Variants in DOK7 observed in about 807,000 individuals in gnomAD.
DOK7 encodes protein Dok-7.
Under a neutral mutation model 30.7 loss-of-function variants are expected in DOK7, and 32 were observed. That is an observed-to-expected ratio of 1.04 (90% confidence interval 0.79 to 1.40). DOK7 has a LOEUF of 1.40. Ranked by LOEUF, DOK7 falls within the 40% of genes most tolerant of loss-of-function variation. DOK7 has a pLI of 0.00. For missense variants in DOK7, 1,007 were observed against 699.2 expected (o/e 1.44, Z -4.97); for synonymous variants, 447 against 324.1 (o/e 1.38, Z -4.07).
chr4:3,478,925 G>C (rs542422657), intron 4 of DOK7, among the ~76,000 whole-genome samples: 1 of 152,202 alleles, frequency 6.6e-6, no homozygotes, highest in Non-Finnish European at 1.5e-5. Context: ...GGGAGTCTGC[G>C]GCACGTGTGG....
chr4:3,475,793 G>C (rs1263631801), intron 3 of DOK7, among the ~76,000 whole-genome samples: 2 of 152,124 alleles, frequency 1.3e-5, no homozygotes, highest in African/African-American at 4.8e-5. Flanking sequence ...GAGGTGCCGG[G>C]GGTGGGAGCC....
chr4:3,495,942 G>A (rs1205914978), downstream of DOK7, among the ~76,000 whole-genome samples: 2 of 152,196 alleles, frequency 1.3e-5, no homozygotes, highest in Non-Finnish European at 2.9e-5. Context: ...CCCTGTGACT[G>A]TCTGCCCTTG....
chr4:3,464,820 C>A (rs964423882), intron 2 of DOK7, among the ~76,000 whole-genome samples: 2 of 152,182 alleles, frequency 1.3e-5, no homozygotes, highest in Non-Finnish European at 2.9e-5. Flanking sequence ...GGCCTGCCAG[C>A]CTCAAGAGGG....
chr4:3,492,248 T>C (rs531281649), intron 6 of DOK7, among the ~76,000 whole-genome samples: 1 of 151,308 alleles, frequency 6.6e-6, no homozygotes, highest in Admixed American at 6.6e-5. Context: ...GACGCCAGCA[T>C]GGTGAGGGCA....
downstream of DOK7, among the ~76,000 whole-genome samples, chr4:3,494,950 C>G (rs1728823867): frequency 6.6e-6 from 1 of 152,068 alleles, no homozygotes; most frequent in African/African-American, 2.4e-5. Context: ...TTGTGGGTGC[C>G]TGCCTGTCCC....
chr4:3,463,450 C>CGGGGGGGGGGGGGGGGGGGG (rs71180187), intron 1 of DOK7, 21 bp downstream of exon 1: 70 of 1,230,580 alleles, frequency 5.7e-5, no homozygotes, highest in South Asian at 3.5e-4. Flanking sequence ...GTCGGGGGCG[C>CGGGGGGGGGGGGGGGGGGGG]GGGGGGGGGG....
chr4:3,492,761 G>A lies in DOK7; in HGVS notation c.775G>A (p.Asp259Asn), dbSNP rs1258201575. 2 of 1,612,494 alleles carry A rather than the reference G, an allele frequency of 1.2e-6. No homozygotes were observed. Among genetic ancestry groups the A allele is most frequent in the African/African-American group, 2.7e-5 (2 of 74,922 alleles). ...CTTGGCTTCCTGCTCTGTCTCAGGG[G>A]ATGACCGCAGCCTGTCCAGCTCATC... ...SHAGRPGSGG[D>N]DRSLSSSSSE... The change falls in exon 7 of 7, where the codon GAT becomes AAT. Residue 259 changes from aspartate (D) to asparagine (N), a missense_variant and splice_region_variant. Transcript: ENST00000340083.
intron 2 of DOK7, among the ~76,000 whole-genome samples, chr4:3,472,243 G>A (rs1314774974): frequency 1.3e-5 from 2 of 152,258 alleles, no homozygotes; most frequent in Non-Finnish European, 2.9e-5. Context: ...ATGAGTGTCT[G>A]CGTCAAATTC....
At chr4:3,490,110 C>CCTTATTCATTCCTTTTCTCCCTGCT (rs112331566) in intron 6 of DOK7, among the ~76,000 whole-genome samples, 1 of 52,736 alleles carries the variant, frequency 1.9e-5, no homozygotes, top group African/African-American at 9.0e-5. Context: ...TTCTTCACCC[C>CCTTATTCATTCCTTTTCTCCCTGCT]CATTCATTCC....
intron 2 of DOK7, among the ~76,000 whole-genome samples, chr4:3,464,816 C>T (rs764703690): frequency 6.6e-6 from 1 of 152,170 alleles, no homozygotes; most frequent in Admixed American, 6.5e-5. Flanking sequence ...GCAGGGCCTG[C>T]CAGCCTCAAG....
chr4:3,478,924 C>CGGCACGTGTGGGCAGCCTGG (rs1727279842), intron 4 of DOK7, among the ~76,000 whole-genome samples: 1 of 152,166 alleles, frequency 6.6e-6, no homozygotes, highest in African/African-American at 2.4e-5. Flanking sequence ...GGGGAGTCTG[C>CGGCACGTGTGGGCAGCCTGG]GGCACGTGTG....
Position 3,463,486 on chromosome 4 carries a change from G to A in DOK7, c.55-20G>A. 1.4e-6 allele frequency: 2 copies of A among 1,446,068 alleles called. No homozygotes were observed. The highest frequency in any genetic ancestry group is 1.8e-6 in the Non-Finnish European group (2 of 1,103,300). 89.6% of individuals were successfully genotyped at this position (1,446,068 alleles called of 1,614,324 possible). A position where few individuals can be genotyped will look rare whatever the true frequency, so the allele number is the denominator to read the frequency against. On this transcript the variant is annotated intron_variant, in intron 1 of 6. Coordinates refer to ENST00000340083, the MANE Select transcript of DOK7 (RefSeq NM_173660.5). The stretch of plus-strand genomic sequence containing the variant: ...GGCGCGGGCGCGGGCGGCGGCTCAC[G>A]CTCCCCCCTGTCCCCGCAGTGGAAG...
rs1727453826 is a variant in DOK7 at position 3,481,708 on chromosome 4, G to A, written c.533-3831G>A. Among the ~76,000 whole-genome samples, 4 of 152,288 alleles carry A rather than the reference G, an allele frequency of 2.6e-5. No homozygotes were observed. In the South Asian group the frequency reaches 8.3e-4, roughly 32 times the overall value. ...GTCACCCCGATGTTTGTTCTCTGAGGAGCTGGGATTATGAGCACTTAAGAT... is the reference window on the plus strand; with the variant it reads ...GTCACCCCGATGTTTGTTCTCTGAGAAGCTGGGATTATGAGCACTTAAGAT... On this transcript the variant is annotated intron_variant, in intron 4 of 6. Coordinates refer to ENST00000340083, the MANE Select transcript of DOK7 (RefSeq NM_173660.5).
intron 4 of DOK7, among the ~76,000 whole-genome samples, chr4:3,480,699 G>A (rs1228724362): frequency 6.6e-6 from 1 of 152,236 alleles, no homozygotes; most frequent in Non-Finnish European, 1.5e-5. Flanking sequence ...CCCCCTGCCG[G>A]CCACCTTTGG....
In DOK7 at chr4:3,494,182, G is replaced by A. The variant is rs1281260484; in HGVS notation, c.*681G>A. 7.1e-6 allele frequency: 7 copies of A among 985,568 alleles called. No individual in the cohort carries two copies. In the East Asian group the frequency reaches 5.7e-4, roughly 80 times the overall value. 61.1% of individuals were successfully genotyped at this position (985,568 alleles called of 1,614,324 possible). The stretch of plus-strand genomic sequence containing the variant: ...CTCGCCTGCTGACCCCACTGGGAGA[G>A]GCGCCGTGCCTCGGGCCCCTGGTGG... On this transcript the variant is annotated 3_prime_UTR_variant, in exon 7 of 7. Transcript: ENST00000340083.
chr4:3,496,841 G>A (rs759433432), downstream of DOK7: 5 of 1,535,844 alleles, frequency 3.3e-6, no homozygotes, highest in East Asian at 9.8e-5. Context: ...CTCAGCCCCA[G>A]GACCTGCGAC....
chr4:3,497,310 C>T (rs1217869196), downstream of DOK7, among the ~76,000 whole-genome samples: 2 of 151,698 alleles, frequency 1.3e-5, no homozygotes, highest in Non-Finnish European at 2.9e-5. Flanking sequence ...CCTCAGACAG[C>T]GGTGGGGGCC....
intron 2 of DOK7, among the ~76,000 whole-genome samples, chr4:3,466,789 C>G (rs1481916588): frequency 6.6e-6 from 1 of 152,230 alleles, no homozygotes; most frequent in Non-Finnish European, 1.5e-5. Context: ...GCCCTGGCAT[C>G]TGGAGCCTCG....
rs2699415 is a variant in DOK7, at chr4:3,492,628, G to A, written c.773-131G>A. 151,561 of 1,301,544 alleles carry A rather than the reference G, an allele frequency of 0.12. 10,802 individuals are homozygous for A. The highest frequency in any genetic ancestry group is 0.3 in the East Asian group (12,074 of 40,116). The allele number at this position is 1,301,544 out of a possible 1,614,324, so 80.6% of individuals were successfully genotyped here. ...AAGCCAGGTTTCTGCTGTAGGCCCC[G>A]GGGCTTGGGGGCTGGAAGGGGTGGG... is the stretch of plus-strand genomic sequence containing the variant. On this transcript the variant is annotated intron_variant, in intron 6 of 6. Coordinates refer to ENST00000340083, the MANE Select transcript of DOK7 (RefSeq NM_173660.5).
Sources: allele counts gnomAD v4.1 joint callset (sites outside exome capture counted in the v4.1 genomes callset), GRCh38; gene constraint gnomAD v4.1.1; transcripts MANE v1.5; gene names NCBI Gene and HGNC (gene_info 2026-07-23, HGNC 2026-07-21).